Variants in KIF26B observed in about 807,000 individuals in gnomAD.
The protein encoded by KIF26B is kinesin family member 26B.
Under a neutral mutation model 151.2 loss-of-function variants are expected in KIF26B, and 63 were observed. The ratio of observed to expected loss-of-function variants is 0.42; its 90% CI spans 0.34 to 0.51. The LOEUF is 0.51. KIF26B is among the 20% of genes least tolerant of loss of function. KIF26B has a pLI of 0.07. For synonymous variants in KIF26B, 1,357 were observed against 1,262.1 expected, an observed-to-expected ratio of 1.08 and a Z score of -1.59; for missense variants, 2,813 against 2,913.6, an observed-to-expected ratio of 0.97 and a Z score of 0.79.
intron 2 of KIF26B, among the ~76,000 whole-genome samples, chr1:245,190,308 ACT>A (rs1207024690): frequency 6.6e-6 from 1 of 151,988 alleles, no homozygotes; most frequent in Admixed American, 6.6e-5. Flanking sequence ...GATTGCTGGG[ACT>A]CTCTTGTCAG....
At chr1:245,539,784 C>G (rs936814914) in intron 4 of KIF26B, among the ~76,000 whole-genome samples, 1 of 152,152 alleles carries the variant, frequency 6.6e-6, no homozygotes, top group African/African-American at 2.4e-5. Context: ...TCCCGAATAG[C>G]TGGGATTACA....
intron 2 of KIF26B, among the ~76,000 whole-genome samples, chr1:245,175,960 C>A (rs1030601956): frequency 2.5e-5 from 3 of 119,618 alleles, no homozygotes; most frequent in Admixed American, 8.1e-5. Flanking sequence ...ATATCTATAT[C>A]TATATATATA....
At position 245,690,812 on chromosome 1, in the gene KIF26B, G is replaced by A. The variant is rs75076895; in HGVS notation, c.5824+2005G>A. On this transcript the variant is annotated intron_variant, in intron 12 of 14. Transcript: ENST00000407071. ...ACTTCACCCCTCAATCTCGGTGACAGCACTTGGAGCAGAACCCCATTTAAG... is the reference window on the plus strand; with the variant it reads ...ACTTCACCCCTCAATCTCGGTGACAACACTTGGAGCAGAACCCCATTTAAG... Among the ~76,000 whole-genome samples, 251 of 152,230 alleles carry A rather than the reference G, an allele frequency of 1.6e-3. 2 individuals are homozygous for A. The highest frequency in any genetic ancestry group is 5.3e-3 in the African/African-American group (218 of 41,522).
chr1:245,183,960 C>T (rs1558337091), intron 2 of KIF26B, among the ~76,000 whole-genome samples: 1 of 150,394 alleles, frequency 6.6e-6, no homozygotes. Context: ...GAAGCCATCT[C>T]TCTGTTTTTG....
Position 245,495,192 on chromosome 1 carries a change from A to G in KIF26B, c.1167-45575A>G, listed in dbSNP as rs745358019. ...TGAAATGGAATGCAAATCAGTTGAAAATATCCAGAGAGATACATGGAGAAC... is the reference window on the plus strand; with the variant it reads ...TGAAATGGAATGCAAATCAGTTGAAGATATCCAGAGAGATACATGGAGAAC... On this transcript the variant is annotated intron_variant, in intron 4 of 14. Transcript: ENST00000407071. This position sits in a 1 kb window ranked among gnomAD's most constrained non-coding sequence, Gnocchi z 4.2. Among the ~76,000 whole-genome samples, 15 of 152,206 alleles carry G rather than the reference A, an allele frequency of 9.9e-5. No homozygotes were observed. The highest frequency in any genetic ancestry group is 2.2e-4 in the Non-Finnish European group (15 of 68,026).
At chr1:245,322,552 A>G (rs1318458823) in intron 2 of KIF26B, among the ~76,000 whole-genome samples, 1 of 152,208 alleles carries the variant, frequency 6.6e-6, no homozygotes, top group Non-Finnish European at 1.5e-5. Flanking sequence ...TTGATGGAAG[A>G]GACAGTACTC....
chr1:245,318,468 C>G lies in KIF26B; in HGVS notation c.466-48366C>G, dbSNP rs752677439. Among the ~76,000 whole-genome samples, 1 of 152,172 alleles carries G rather than the reference C, an allele frequency of 6.6e-6. No homozygotes were observed. Among genetic ancestry groups the G allele is most frequent in the Non-Finnish European group, 1.5e-5 (1 of 68,034 alleles). On this transcript the variant is annotated intron_variant, in intron 2 of 14. Transcript: ENST00000407071. The surrounding 1 kb of genome is among the most constrained non-coding windows in gnomAD (Gnocchi z 4.0). ...GGGCTTCTTTGCCCTGAGGAATATA[C>G]AAGTTGATAGGGCTACTTGCCTTCT...
At chr1:245,457,989 T>C (rs1453014022) in intron 4 of KIF26B, among the ~76,000 whole-genome samples, 3 of 152,224 alleles carry the variant, frequency 2.0e-5, no homozygotes, top group Non-Finnish European at 4.4e-5. Context: ...TTTTAAGGTA[T>C]TATATAAATA....
intron 8 of KIF26B, among the ~76,000 whole-genome samples, chr1:245,609,908 G>A (rs2043500152): frequency 6.6e-6 from 1 of 152,130 alleles, no homozygotes; most frequent in South Asian, 2.1e-4. Context: ...TCTATAAACT[G>A]TGCTTCTGGC....
At position 245,244,275 on chromosome 1, in the gene KIF26B, T is replaced by G. The variant is rs917312640; in HGVS notation, c.465+87592T>G. Among the ~76,000 whole-genome samples, 3 of 152,158 alleles carry G rather than the reference T, an allele frequency of 2.0e-5. No individual in the cohort carries two copies. Among genetic ancestry groups the G allele is most frequent in the African/African-American group, 7.2e-5 (3 of 41,424 alleles). ...CCTGGCCTCCTTTTATATTTTTTTC[T>G]AAATATCATTCTATATGTTCTTCTA... is the stretch of plus-strand genomic sequence containing the variant. On this transcript the variant is annotated intron_variant, in intron 2 of 14. Coordinates refer to ENST00000407071, the MANE Select transcript of KIF26B (RefSeq NM_018012.4). The surrounding 1 kb of genome is among the most constrained non-coding windows in gnomAD (Gnocchi z 4.2).
At chr1:245,677,401 A>G (rs1029717884) in intron 10 of KIF26B, among the ~76,000 whole-genome samples, 1 of 152,224 alleles carries the variant, frequency 6.6e-6, no homozygotes, top group African/African-American at 2.4e-5. Context: ...CTATCCCACG[A>G]ATGTTATGCA....
At chr1:245,406,574 T>C (rs1462959332) in intron 3 of KIF26B, among the ~76,000 whole-genome samples, 4 of 152,172 alleles carry the variant, frequency 2.6e-5, no homozygotes, top group African/African-American at 7.2e-5. Context: ...AGATTAAACA[T>C]GGATAGAAAA....
chr1:245,685,627 G>A lies in KIF26B; in HGVS notation c.2644G>A (p.Asp882Asn), dbSNP rs1232408087. The A allele has an allele frequency of 9.9e-6, 16 of 1,613,426 alleles. No individual in the cohort carries two copies. The highest frequency in any genetic ancestry group is 3.3e-5 in the South Asian group (3 of 91,030). The stretch of plus-strand genomic sequence containing the variant: ...GGCCCTCTCTGACAAGGAGCTCACC[G>A]ACAACGAGGGCCCCCCAGACTTTGT... ...GTALSDKELT[D>N]NEGPPDFVPI... is the part of the protein sequence containing the mutation. Residue 882 changes from aspartate (D) to asparagine (N), a missense_variant, in exon 12 of 15, where the codon GAC becomes AAC. Coordinates refer to ENST00000407071, the MANE Select transcript of KIF26B (RefSeq NM_018012.4).
At chr1:245,235,562 G>A (rs1670089953) in intron 2 of KIF26B, among the ~76,000 whole-genome samples, 1 of 151,906 alleles carries the variant, frequency 6.6e-6, no homozygotes, top group Non-Finnish European at 1.5e-5. Flanking sequence ...CACTGCACTC[G>A]AGCTTGGGTG....
Position 245,687,269 on chromosome 1 carries a change from A to C in KIF26B, c.4286A>C (p.Asn1429Thr), listed in dbSNP as rs1358890387. The C allele has an allele frequency of 6.2e-7, 1 of 1,611,832 alleles. No individual in the cohort carries two copies. Among genetic ancestry groups the C allele is most frequent in the Non-Finnish European group, 8.5e-7 (1 of 1,179,376 alleles). Residue 1429 changes from asparagine (N) to threonine (T), a missense_variant, in exon 12 of 15, where the codon AAC (asparagine) becomes ACC (threonine). By Grantham distance (65) the Asn-to-Thr change is moderately conservative (BLOSUM62 0). Coordinates refer to ENST00000407071, the MANE Select transcript of KIF26B (RefSeq NM_018012.4). This position sits in a 1 kb window ranked among gnomAD's most constrained non-coding sequence, Gnocchi z 4.9. ...TLAQSRESKE[N>T]SAKKEMKFED... Reference sequence around the variant, plus strand: ...GCCCAGTCCCGGGAGAGTAAGGAAAACAGTGCAAAGAAAGAGATGAAATTT... The same window carrying C: ...GCCCAGTCCCGGGAGAGTAAGGAAACCAGTGCAAAGAAAGAGATGAAATTT...
intron 9 of KIF26B, among the ~76,000 whole-genome samples, chr1:245,623,490 T>C (rs1166770022): frequency 6.6e-6 from 1 of 152,238 alleles, no homozygotes; most frequent in African/African-American, 2.4e-5. Context: ...CATTCATCTC[T>C]TGATGGACAT....
intron 4 of KIF26B, among the ~76,000 whole-genome samples, chr1:245,510,555 G>A (rs942996194): frequency 6.7e-6 from 1 of 148,814 alleles, no homozygotes; most frequent in African/African-American, 2.5e-5. Context: ...TTTCTTTCTC[G>A]GCTGTCTCTT....
intron 2 of KIF26B, among the ~76,000 whole-genome samples, chr1:245,261,135 T>G (rs943665037): frequency 8.7e-5 from 13 of 150,166 alleles, no homozygotes; most frequent in African/African-American, 3.2e-4. Context: ...TCCTTCCTCT[T>G]TCTCTCTTTC....
chr1:245,175,953 T>TAG, intron 2 of KIF26B, among the ~76,000 whole-genome samples: 1 of 146,524 alleles, frequency 6.8e-6, no homozygotes, highest in Non-Finnish European at 1.5e-5. Context: ...TATATAGATA[T>TAG]CTATATCTAT....
Sources: gnomAD v4.1 joint callset for allele counts (sites outside exome capture counted in the v4.1 genomes callset) on GRCh38, gnomAD v4.1.1 for gene constraint, Gnocchi (gnomAD v3.1) non-coding constraint, MANE v1.5 for transcripts, NCBI Gene and HGNC (gene_info 2026-07-23, HGNC 2026-07-21) for gene names.